ZNF407: variants seen among roughly 807,000 people sequenced by gnomAD.
The protein encoded by ZNF407 is zinc finger protein 407.
ZNF407 carries 17 observed loss-of-function variants against 131.2 expected under a neutral mutation model. The ratio of observed to expected loss-of-function variants is 0.13; its 90% CI spans 0.09 to 0.19. The LOEUF is 0.19. ZNF407 is among the 10% of genes least tolerant of loss of function. The pLI is 1.00. For missense variants in ZNF407, 2,681 were observed against 2,830.6 expected, an observed-to-expected ratio of 0.95 and a Z score of 1.20; for synonymous variants, 1,156 against 1,062.0, an observed-to-expected ratio of 1.09 and a Z score of -1.72.
intron 8 of ZNF407, among the ~76,000 whole-genome samples, chr18:74,979,079 C>T (rs1599275268): frequency 1.3e-5 from 2 of 152,252 alleles, no homozygotes; most frequent in African/African-American, 4.8e-5. Flanking sequence ...TTCTCCAGTG[C>T]TCTGTCAGTG....
At chr18:74,957,437 T>C (rs1599263328) in intron 8 of ZNF407, among the ~76,000 whole-genome samples, 1 of 152,188 alleles carries the variant, frequency 6.6e-6, no homozygotes, top group Admixed American at 6.5e-5. Flanking sequence ...CTCCTCTCTG[T>C]TGTCTTCCTA....
chr18:74,907,457 G>A (rs1971611105), intron 7 of ZNF407, among the ~76,000 whole-genome samples: 1 of 152,170 alleles, frequency 6.6e-6, no homozygotes, highest in Admixed American at 6.5e-5. Context: ...AGGTGAGGTT[G>A]AGTGGTCCTG....
In ZNF407 at chr18:74,830,534, C is replaced by T. The variant is rs116699565; in HGVS notation, c.4878-46663C>T. Among the ~76,000 whole-genome samples the T allele has an allele frequency of 7.1e-3, 1,080 of 152,302 alleles. 11 individuals carry two copies. Among genetic ancestry groups the T allele is most frequent in the African/African-American group, 0.025 (1,030 of 41,552 alleles). Reference sequence around the variant, plus strand: ...GCACTTCTGGCCTCAAGCAGTCTGCCTGACTAAGCCTGCCAGAGTGCTGGG... The same window carrying T: ...GCACTTCTGGCCTCAAGCAGTCTGCTTGACTAAGCCTGCCAGAGTGCTGGG... On this transcript the variant is annotated intron_variant, in intron 4 of 8. Coordinates refer to ENST00000299687, the MANE Select transcript of ZNF407 (RefSeq NM_017757.3).
chr18:75,029,543 C>T (rs565719135), intron 8 of ZNF407, among the ~76,000 whole-genome samples: 65 of 150,644 alleles, frequency 4.3e-4, no homozygotes, highest in African/African-American at 1.4e-3. Context: ...TGCGGGAGCA[C>T]GCTCACCACC....
intron 4 of ZNF407, chr18:74,804,140 T>C: frequency 4.7e-6 from 4 of 853,350 alleles, no homozygotes; most frequent in Non-Finnish European, 6.3e-6. Context: ...TTTCATTGTC[T>C]TTTTTTTTTT....
chr18:74,746,646 C>G (rs1020580583), intron 3 of ZNF407, among the ~76,000 whole-genome samples: 1 of 151,808 alleles, frequency 6.6e-6, no homozygotes, highest in African/African-American at 2.4e-5. Context: ...ATCAGTATCC[C>G]CATCTTCCAT....
chr18:74,894,187 C>CT (rs1404089237), intron 7 of ZNF407, among the ~76,000 whole-genome samples: 1 of 152,006 alleles, frequency 6.6e-6, no homozygotes, highest in Non-Finnish European at 1.5e-5. Context: ...CTTTTACTGT[C>CT]TAAAATATCC....
At chr18:74,653,611 G>A (rs886186575) in intron 3 of ZNF407, among the ~76,000 whole-genome samples, 1 of 151,738 alleles carries the variant, frequency 6.6e-6, no homozygotes. Context: ...AACATGTATC[G>A]ATATGCTTAT....
intron 4 of ZNF407, among the ~76,000 whole-genome samples, chr18:74,853,147 T>C (rs1163463056): frequency 6.6e-6 from 1 of 152,198 alleles, no homozygotes; most frequent in Non-Finnish European, 1.5e-5. Context: ...CTACACTAGA[T>C]TAGAATGGCT....
intron 4 of ZNF407, among the ~76,000 whole-genome samples, chr18:74,801,335 TTTTC>T (rs1970015799): frequency 6.6e-6 from 1 of 152,190 alleles, no homozygotes; most frequent in Admixed American, 6.5e-5. Context: ...TCATTTATAT[TTTTC>T]TTTCATTATC....
At chr18:74,908,575 T>G (rs1007525122) in intron 7 of ZNF407, among the ~76,000 whole-genome samples, 1 of 152,208 alleles carries the variant, frequency 6.6e-6, no homozygotes, top group Admixed American at 6.5e-5. Context: ...TAAACATCGT[T>G]GATAACATGT....
In ZNF407 at chr18:74,632,281, T is replaced by C; in HGVS notation, c.1262T>C (p.Leu421Pro). ...AGGCCAAGACCTGAGCGAAATATTC[T>C]CGTGTTGGGTAATAGCTTTCGTCGA... ...TSRPRPERNI[L>P]VLGNSFRRRS... The change falls in exon 2 of 9, where the codon CTC becomes CCC. Residue 421 changes from leucine to proline, a missense_variant. Transcript: ENST00000299687. 1.9e-6 allele frequency: 3 copies of C among 1,613,928 alleles called. No homozygotes were observed. The highest frequency in any genetic ancestry group is 2.2e-5 in the East Asian group (1 of 44,886).
chr18:74,665,306 C>T (rs558594409), intron 3 of ZNF407, among the ~76,000 whole-genome samples: 3 of 152,280 alleles, frequency 2.0e-5, no homozygotes. Flanking sequence ...CATCTTTCTG[C>T]CCCACTGCCC....
chr18:74,947,779 A>G (rs1016343601), intron 8 of ZNF407, among the ~76,000 whole-genome samples: 1 of 152,224 alleles, frequency 6.6e-6, no homozygotes, highest in African/African-American at 2.4e-5. Context: ...CTTCAATGAA[A>G]GTGAAGCGCT....
chr18:74,726,281 G>C (rs558164617), intron 3 of ZNF407, among the ~76,000 whole-genome samples: 1 of 152,180 alleles, frequency 6.6e-6, no homozygotes, highest in Non-Finnish European at 1.5e-5. Flanking sequence ...TTAATTACAA[G>C]ACCCCATGAT....
At chr18:74,782,157 A>C (rs547254460) in intron 4 of ZNF407, among the ~76,000 whole-genome samples, 2 of 152,294 alleles carry the variant, frequency 1.3e-5, no homozygotes, top group African/African-American at 4.8e-5. Flanking sequence ...CTCACTCAAA[A>C]CTGGTATAAG....
At chr18:74,755,175 C>G (rs1309246582) in intron 3 of ZNF407, among the ~76,000 whole-genome samples, 1 of 143,786 alleles carries the variant, frequency 7.0e-6, no homozygotes, top group Non-Finnish European at 1.5e-5. Context: ...TTGCAACCCC[C>G]TGCTTTTTTT....
chr18:74,850,464 T>A (rs1970766333), intron 4 of ZNF407, among the ~76,000 whole-genome samples: 1 of 152,136 alleles, frequency 6.6e-6, no homozygotes. Flanking sequence ...TTCCCTCTTT[T>A]CCTCCTTTCA....
intron 4 of ZNF407, among the ~76,000 whole-genome samples, chr18:74,865,907 C>T (rs1290699043): frequency 6.6e-6 from 1 of 152,144 alleles, no homozygotes; most frequent in Non-Finnish European, 1.5e-5. Context: ...TTGCCAGTTA[C>T]CTCAAAGACA....
Sources: allele counts gnomAD v4.1 joint callset (sites outside exome capture counted in the v4.1 genomes callset), GRCh38; gene constraint gnomAD v4.1.1; transcripts MANE v1.5; gene names NCBI Gene and HGNC (gene_info 2026-07-23, HGNC 2026-07-21).